The following TLE7 variants were observed in gnomAD, a reference collection of about 807,000 sequenced individuals.
The protein encoded by TLE7 is transducin-like enhancer protein 7.
intron 4 of TLE7, 79 bp from the exon 5 acceptor site, chr16:71,432,404 A>C (rs1020270642): frequency 7.7e-6 from 3 of 391,888 alleles, no homozygotes; most frequent in African/African-American, 2.2e-5. Flanking sequence ...TTCCAGCTAG[A>C]TTCTTAACCA....
At chr16:71,441,084 G>A (rs2042845940) in intron 1 of TLE7, among the ~76,000 whole-genome samples, 1 of 152,176 alleles carries the variant, frequency 6.6e-6, no homozygotes, top group Non-Finnish European at 1.5e-5. Flanking sequence ...TTCTGTCCTG[G>A]GTCCATCTCT....
Position 71,433,048 on chromosome 16 carries a change from C to T in TLE7, c.277G>A (p.Ala93Thr). Residue 93 changes from alanine to threonine, a missense_variant, in exon 2 of 10, where the codon GCA (alanine) becomes ACA (threonine). By Grantham distance (58) the Ala-to-Thr change is moderately conservative (BLOSUM62 0). Coordinates refer to ENST00000561754, the MANE Select transcript of TLE7 (RefSeq NM_001367365.2). ...SELQAAGLPDAQPGEAAESSP... is the reference protein window; with the variant it reads ...SELQAAGLPDTQPGEAAESSP... ...GACTCTGCTGCTTCTCCTGGTTGTG[C>T]ATCAGGGAGCCCAGCGGCCTGGAGC... 5.0e-6 allele frequency: 2 copies of T among 398,826 alleles called. No homozygotes were observed. Among genetic ancestry groups the T allele is most frequent in the Non-Finnish European group, 8.8e-6 (2 of 226,208 alleles). 24.7% of individuals were successfully genotyped at this position (398,826 alleles called of 1,614,324 possible).
intron 1 of TLE7, among the ~76,000 whole-genome samples, chr16:71,434,164 T>G (rs1042951151): frequency 6.6e-6 from 1 of 152,158 alleles, no homozygotes; most frequent in Non-Finnish European, 1.5e-5. Context: ...GAAGTTGGCT[T>G]GGAGGTGATT....
intron 1 of TLE7, among the ~76,000 whole-genome samples, chr16:71,440,874 CCCTCCTCCCA>C (rs1166786963): frequency 6.6e-6 from 1 of 152,164 alleles, no homozygotes; most frequent in African/African-American, 2.4e-5. Context: ...ACGGCCAGGC[CCCTCCTCCCA>C]CCTCCTCCCT....
At chr16:71,440,808 A>T (rs1189826176) in intron 1 of TLE7, among the ~76,000 whole-genome samples, 1 of 152,168 alleles carries the variant, frequency 6.6e-6, no homozygotes, top group East Asian at 1.9e-4. Context: ...GTGAGCCTCC[A>T]GATCTTTATT....
intron 1 of TLE7, among the ~76,000 whole-genome samples, chr16:71,436,438 C>CG (rs756028145): frequency 3.9e-5 from 6 of 152,152 alleles, no homozygotes; most frequent in Non-Finnish European, 7.4e-5. Context: ...CTGCTGCTGG[C>CG]GGTATCTCAG....
chr16:71,436,271 C>G (rs1358428551), intron 1 of TLE7, among the ~76,000 whole-genome samples: 1 of 152,210 alleles, frequency 6.6e-6, no homozygotes, highest in Non-Finnish European at 1.5e-5. Flanking sequence ...CCCTTCCACA[C>G]CCAGGTGCTG....
Position 71,431,321 on chromosome 16 carries a change from C to T in TLE7, c.994-47G>A, listed in dbSNP as rs899900208. 8 of 399,120 alleles carry T rather than the reference C, an allele frequency of 2.0e-5. No homozygotes were observed. Among genetic ancestry groups the T allele is most frequent in the African/African-American group, 1.6e-4 (8 of 48,644 alleles). The allele number at this position is 399,120 out of a possible 1,614,324, so 24.7% of individuals were successfully genotyped here. On this transcript the variant is annotated intron_variant, in intron 7 of 9. Transcript: ENST00000561754. This position sits in a 1 kb window ranked among gnomAD's most constrained non-coding sequence, Gnocchi z 4.5. Reference sequence around the variant, plus strand: ...AGGTCAGCACTCAAAGTTGCCAACGCCATCCTTTGTGCCCACCTCTCAAGC... The same window carrying T: ...AGGTCAGCACTCAAAGTTGCCAACGTCATCCTTTGTGCCCACCTCTCAAGC...
At chr16:71,432,774 G>A in intron 3 of TLE7, 51 bp from the exon 4 acceptor site, 1 of 398,750 alleles carries the variant, frequency 2.5e-6, no homozygotes, top group South Asian at 1.3e-4. Flanking sequence ...ACGCTTCAGG[G>A]AGAAGCCTGC....
At position 71,430,249 on chromosome 16, in the gene TLE7, T is replaced by C; in HGVS notation, c.*13A>G. 2.5e-6 allele frequency: 1 copy of C among 398,696 alleles called. No homozygotes were observed. Among genetic ancestry groups the C allele is most frequent in the Admixed American group, 4.4e-5 (1 of 22,740 alleles). The allele number at this position is 398,696 out of a possible 1,614,324, so 24.7% of individuals were successfully genotyped here. ...GACTGGGTCTTCACTGGCAGGACCA[T>C]GGCATGCCACCTTTAATACAAGAGC... On this transcript the variant is annotated 3_prime_UTR_variant, in exon 10 of 10. Coordinates refer to ENST00000561754, the MANE Select transcript of TLE7 (RefSeq NM_001367365.2).
At chr16:71,435,875 C>A (rs951785084) in intron 1 of TLE7, among the ~76,000 whole-genome samples, 8 of 152,138 alleles carry the variant, frequency 5.3e-5, no homozygotes, top group African/African-American at 1.9e-4. Context: ...CAGCAGAGAC[C>A]ACCACTGCTC....
intron 3 of TLE7, 46 bp downstream of exon 3, chr16:71,432,824 G>C (rs2042812374): frequency 5.0e-6 from 2 of 399,034 alleles, no homozygotes; most frequent in Non-Finnish European, 8.8e-6. Context: ...CCCCCATCTG[G>C]GGCCCAGCTT....
intron 2 of TLE7, 41 bp downstream of exon 2, chr16:71,432,973 A>C: frequency 2.5e-6 from 1 of 399,126 alleles, no homozygotes; most frequent in Non-Finnish European, 4.4e-6. Flanking sequence ...TCCCCAGTCC[A>C]GTTTGCCACC....
At chr16:71,430,838 C>T (rs1177893163) in intron 8 of TLE7, 97 bp from the exon 9 acceptor site, 1 of 397,526 alleles carries the variant, frequency 2.5e-6, no homozygotes, top group South Asian at 1.4e-4. Flanking sequence ...CTTTCTCTGC[C>T]TGTTTCCCTA....
chr16:71,438,703 G>A lies in TLE7; in HGVS notation c.-97+3266C>T, dbSNP rs868163102. ...TCTCAAAAAAAAAAAAAAAAAAAGC[G>A]AAAATAGGGACAGCCCGAGGAGTTG... On this transcript the variant is annotated intron_variant, in intron 1 of 9. Coordinates refer to ENST00000561754, the MANE Select transcript of TLE7 (RefSeq NM_001367365.2). Among the ~76,000 whole-genome samples the A allele has an allele frequency of 5.4e-3, 760 of 141,882 alleles. 8 individuals are homozygous for A. The highest frequency in any genetic ancestry group is 0.017 in the African/African-American group (651 of 37,338). The allele number at this position is 141,882 out of a possible 152,430, so 93.1% of individuals were successfully genotyped here.
chr16:71,439,486 G>C (rs1460786105), intron 1 of TLE7, among the ~76,000 whole-genome samples: 1 of 152,064 alleles, frequency 6.6e-6, no homozygotes, highest in East Asian at 1.9e-4. Flanking sequence ...AAGGCATTTG[G>C]GGGTGGTTCT....
chr16:71,432,064 GA>G, intron 5 of TLE7, 45 bp downstream of exon 5: 2 of 400,964 alleles, frequency 5.0e-6, no homozygotes. Context: ...TCTCACGTCA[GA>G]GGCCCTGTCA....
At position 71,431,463 on chromosome 16, in the gene TLE7, C is replaced by G. The variant is rs1023401432; in HGVS notation, c.951G>C (p.Leu317=). ...GEDTILYSWD[L]RSYQRLHQHN... ...GTTGGTGCAGCCTCTGGTAGCTCCT[C>G]AGGTCCCAGGAATACAGGATGGTGT... is the stretch of plus-strand genomic sequence containing the variant. Residue 317 remains leucine (L), a synonymous_variant, in exon 7 of 10, where the codon CTG becomes CTC. Coordinates refer to ENST00000561754, the MANE Select transcript of TLE7 (RefSeq NM_001367365.2). The surrounding 1 kb of genome is among the most constrained non-coding windows in gnomAD (Gnocchi z 4.5). 1 of 400,820 alleles carries G rather than the reference C, an allele frequency of 2.5e-6. No individual in the cohort carries two copies. The highest frequency in any genetic ancestry group is 4.4e-6 in the Non-Finnish European group (1 of 226,268). 24.8% of individuals were successfully genotyped at this position (400,820 alleles called of 1,614,324 possible).
At chr16:71,441,228 T>A (rs1412887592) in intron 1 of TLE7, among the ~76,000 whole-genome samples, 1 of 152,202 alleles carries the variant, frequency 6.6e-6, no homozygotes, top group Admixed American at 6.5e-5. Flanking sequence ...TTCACTCGAT[T>A]TATTTTGTAA....
Sources: gnomAD v4.1 joint callset for allele counts (sites outside exome capture counted in the v4.1 genomes callset) on GRCh38, gnomAD v4.1.1 for gene constraint, Gnocchi (gnomAD v3.1) non-coding constraint, MANE v1.5 for transcripts, NCBI Gene and HGNC (gene_info 2026-07-23, HGNC 2026-07-21) for gene names.